IKZF1: variants seen among roughly 807,000 people sequenced by gnomAD.
IKZF1 encodes DNA-binding protein Ikaros.
Under a neutral mutation model 51.7 loss-of-function variants are expected in IKZF1, and 10 were observed. The ratio of observed to expected loss-of-function variants is 0.19; its 90% CI spans 0.12 to 0.33. IKZF1 has a LOEUF of 0.33. Among genes scored for constraint, IKZF1 ranks in the 10% least tolerant of loss-of-function variants. The probability of loss-of-function intolerance (pLI) is 1.00; values close to 1 mark genes in which losing one functional copy is unlikely to be tolerated. For missense variants in IKZF1, 484 were observed against 707.5 expected (o/e 0.68, Z 3.58); for synonymous variants, 280 against 282.3 (o/e 0.99, Z 0.08).
At position 50,331,609 on chromosome 7, in the gene IKZF1, C is replaced by T. The variant is rs1039579997; in HGVS notation, c.160+3852C>T. On this transcript the variant is annotated intron_variant, in intron 3 of 7. Transcript: ENST00000331340. ...AAGGATAACAGACCATATTAATAAA[C>T]AAATTGATGGGAATGGTGGAAATCA... Among the ~76,000 whole-genome samples, 8 of 152,250 alleles carry T rather than the reference C, an allele frequency of 5.3e-5. 1 individual carries two copies. Among genetic ancestry groups the T allele is most frequent in the Admixed American group, 5.2e-4 (8 of 15,298 alleles).
chr7:50,379,075 C>T (rs1811094666), intron 4 of IKZF1, among the ~76,000 whole-genome samples: 1 of 152,202 alleles, frequency 6.6e-6, no homozygotes, highest in African/African-American at 2.4e-5. Context: ...GCATGTAAAT[C>T]ACCTGAGATC....
intron 3 of IKZF1, among the ~76,000 whole-genome samples, chr7:50,354,680 C>G (rs1802779888): frequency 6.6e-6 from 1 of 152,102 alleles, no homozygotes; most frequent in South Asian, 2.1e-4. Flanking sequence ...ATTACCCTCT[C>G]TAGCATTTCT....
rs1439176044 is a variant in IKZF1, at chr7:50,376,003, T to TA, written c.161-529dup. Among the ~76,000 whole-genome samples, 1 of 152,234 alleles carries TA rather than the reference T, an allele frequency of 6.6e-6. No homozygotes were observed. The highest frequency in any genetic ancestry group is 1.5e-5 in the Non-Finnish European group (1 of 68,038). ...GTTTACTGAGTTTTGTCCCAAAGTTTATTAATGTTTACATGCCACAAGGAA... is the reference window on the plus strand; with the variant it reads ...GTTTACTGAGTTTTGTCCCAAAGTTTAATTAATGTTTACATGCCACAAGGAA... On this transcript the variant is annotated intron_variant, in intron 3 of 7. Transcript: ENST00000331340. The surrounding 1 kb of genome is among the most constrained non-coding windows in gnomAD (Gnocchi z 4.5).
intron 1 of IKZF1, among the ~76,000 whole-genome samples, chr7:50,309,169 T>C (rs1453077955): frequency 6.6e-6 from 1 of 152,236 alleles, no homozygotes; most frequent in African/African-American, 2.4e-5. Context: ...AAATGGGTCC[T>C]AATTAGTGGA....
chr7:50,307,157 T>C (rs990049523), intron 1 of IKZF1, among the ~76,000 whole-genome samples: 2 of 152,196 alleles, frequency 1.3e-5, no homozygotes, highest in Non-Finnish European at 2.9e-5. Flanking sequence ...AATGGTGAAT[T>C]TTAGGCATAA....
At chr7:50,305,367 T>C (rs1399015867) in intron 1 of IKZF1, among the ~76,000 whole-genome samples, 1 of 152,214 alleles carries the variant, frequency 6.6e-6, no homozygotes, top group Non-Finnish European at 1.5e-5. Context: ...GAAAAGTTAG[T>C]CCTTTTGCTG....
intron 3 of IKZF1, among the ~76,000 whole-genome samples, chr7:50,365,956 T>C (rs1056996608): frequency 6.6e-6 from 1 of 152,148 alleles, no homozygotes; most frequent in Non-Finnish European, 1.5e-5. Context: ...AGAAAAAGAA[T>C]GAGATCATGC....
At chr7:50,325,447 C>A (rs1275596945) in intron 2 of IKZF1, among the ~76,000 whole-genome samples, 1 of 152,002 alleles carries the variant, frequency 6.6e-6, no homozygotes, top group African/African-American at 2.4e-5. Flanking sequence ...GAGGTGAAAA[C>A]GCTAAGATAT....
rs1310820407 is a variant in IKZF1, at chr7:50,400,655, C to T, written c.*28C>T. On this transcript the variant is annotated 3_prime_UTR_variant, in exon 8 of 8. Transcript: ENST00000331340. This position sits in a 1 kb window ranked among gnomAD's most constrained non-coding sequence, Gnocchi z 5.4. ...CCCTCCCGCGCCCCCACCCCAGACCCCGAGCCACCCCAGGAAAAGCACAAG... is the reference window on the plus strand; with the variant it reads ...CCCTCCCGCGCCCCCACCCCAGACCTCGAGCCACCCCAGGAAAAGCACAAG... 5 of 1,577,882 alleles carry T rather than the reference C, an allele frequency of 3.2e-6. No individual in the cohort carries two copies. Among genetic ancestry groups the T allele is most frequent in the Non-Finnish European group, 4.3e-6 (5 of 1,168,436 alleles).
intron 3 of IKZF1, chr7:50,329,072 CAAAAAAAA>C (rs754431183): frequency 3.3e-5 from 3 of 91,736 alleles, no homozygotes; most frequent in South Asian, 3.9e-4. Context: ...GACTCCATCT[CAAAAAAAA>C]AAAAAAAAAA....
At chr7:50,324,199 A>T (rs1268123652) in intron 2 of IKZF1, among the ~76,000 whole-genome samples, 3 of 152,212 alleles carry the variant, frequency 2.0e-5, no homozygotes, top group African/African-American at 7.2e-5. Context: ...TGAAGTGATA[A>T]CTTTTCATCA....
rs1293255675 is a variant in IKZF1 at position 50,335,770 on chromosome 7, T to C, written c.160+8013T>C. Among the ~76,000 whole-genome samples the C allele has an allele frequency of 6.6e-5, 10 of 152,018 alleles. No individual in the cohort carries two copies. The East Asian group carries it at 1.9e-3, about 29-fold the overall frequency. The stretch of plus-strand genomic sequence containing the variant: ...ATGTGTGTATGGGATGTGTGGTGTG[T>C]CTGTGGTGTATGTGTGCACATGCAT... On this transcript the variant is annotated intron_variant, in intron 3 of 7. Transcript: ENST00000331340.
chr7:50,392,250 A>G (rs1267227086), intron 7 of IKZF1, among the ~76,000 whole-genome samples: 4 of 152,158 alleles, frequency 2.6e-5, no homozygotes, highest in African/African-American at 9.7e-5. Flanking sequence ...CATTTTTCAT[A>G]TGAAGCTCCT....
At chr7:50,394,914 ATTG>A (rs1173880419) in intron 7 of IKZF1, among the ~76,000 whole-genome samples, 2 of 152,198 alleles carry the variant, frequency 1.3e-5, no homozygotes, top group African/African-American at 4.8e-5. Context: ...AGCAATGATA[ATTG>A]TTGTTTTTAG....
At chr7:50,311,421 G>A (rs891869835) in intron 1 of IKZF1, among the ~76,000 whole-genome samples, 1 of 152,154 alleles carries the variant, frequency 6.6e-6, no homozygotes. Flanking sequence ...TAAATAAGTT[G>A]AGGAAAATTT....
intron 3 of IKZF1, among the ~76,000 whole-genome samples, chr7:50,349,821 T>G (rs1389553322): frequency 6.6e-6 from 1 of 152,216 alleles, no homozygotes; most frequent in East Asian, 1.9e-4. Context: ...ATTGAGGGCA[T>G]TCATGCTTAT....
chr7:50,379,259 G>A (rs1014909474), intron 4 of IKZF1, among the ~76,000 whole-genome samples: 5 of 152,170 alleles, frequency 3.3e-5, no homozygotes, highest in African/African-American at 1.2e-4. Flanking sequence ...TAGGTACGAC[G>A]GGAATCCCCA....
chr7:50,384,497 G>A (rs966018681), intron 5 of IKZF1, among the ~76,000 whole-genome samples: 4 of 152,260 alleles, frequency 2.6e-5, no homozygotes, highest in African/African-American at 9.6e-5. Flanking sequence ...CAGCAGGGGG[G>A]CCATGGAGTG....
At chr7:50,371,454 G>A (rs1808649325) in intron 3 of IKZF1, among the ~76,000 whole-genome samples, 1 of 152,228 alleles carries the variant, frequency 6.6e-6, no homozygotes, top group African/African-American at 2.4e-5. Flanking sequence ...TAAAGGAAAA[G>A]GTCTGTGGGA....
Sources: gnomAD v4.1 joint callset for allele counts (sites outside exome capture counted in the v4.1 genomes callset) on GRCh38, gnomAD v4.1.1 for gene constraint, Gnocchi (gnomAD v3.1) non-coding constraint, MANE v1.5 for transcripts, NCBI Gene and HGNC (gene_info 2026-07-23, HGNC 2026-07-21) for gene names.